EDIL3: variants seen among roughly 807,000 people sequenced by gnomAD.
EDIL3 encodes the protein EGF like and discoidin domains 3, also known as EGF-like repeat and discoidin I-like domain-containing protein 3.
Under a neutral mutation model 67.4 loss-of-function variants are expected in EDIL3, and 37 were observed. The ratio of observed to expected loss-of-function variants is 0.55; its 90% CI spans 0.42 to 0.72. The LOEUF (loss-of-function observed/expected upper bound fraction) is 0.72. Among genes scored for constraint, EDIL3 ranks in the 30% least tolerant of loss-of-function variants. EDIL3 has a pLI of 0.00. For synonymous variants in EDIL3, 195 were observed against 196.3 expected, an observed-to-expected ratio of 0.99 and a Z score of 0.05; for missense variants, 527 against 586.3, an observed-to-expected ratio of 0.90 and a Z score of 1.04.
intron 9 of EDIL3, among the ~76,000 whole-genome samples, chr5:84,023,721 T>C (rs909179449): frequency 1.3e-5 from 2 of 152,106 alleles, no homozygotes; most frequent in East Asian, 1.9e-4. Context: ...AAGAAACAAC[T>C]GGGTATCAAG....
At position 84,272,215 on chromosome 5, in the gene EDIL3, G is replaced by A. The variant is rs114819552; in HGVS notation, c.68-18003C>T. The stretch of plus-strand genomic sequence containing the variant: ...TTTTCTATAAGGGCTTAAAAATCCA[G>A]AAACTGATGAGATCAATTGAAATTT... On this transcript the variant is annotated intron_variant, in intron 1 of 10. Coordinates refer to ENST00000296591, the MANE Select transcript of EDIL3 (RefSeq NM_005711.5). 6.3e-3 allele frequency among the ~76,000 whole-genome samples: 965 copies of A among 152,038 alleles called. 10 individuals are homozygous for A. The highest frequency in any genetic ancestry group is 0.021 in the African/African-American group (890 of 41,528).
chr5:84,114,700 TA>T (rs1747633536), intron 5 of EDIL3, among the ~76,000 whole-genome samples: 1 of 152,206 alleles, frequency 6.6e-6, no homozygotes, highest in Non-Finnish European at 1.5e-5. Context: ...ATTGCACGTG[TA>T]CCTTAAAGAA....
chr5:84,072,315 A>C (rs1163858914), intron 6 of EDIL3, among the ~76,000 whole-genome samples: 1 of 152,116 alleles, frequency 6.6e-6, no homozygotes, highest in Non-Finnish European at 1.5e-5. Flanking sequence ...AAAGGATTTG[A>C]TTAGTAGCCA....
intron 4 of EDIL3, among the ~76,000 whole-genome samples, chr5:84,167,353 T>G (rs916133036): frequency 2.2e-4 from 33 of 151,996 alleles, no homozygotes; most frequent in African/African-American, 8.0e-4. Flanking sequence ...GCCCCTTCCT[T>G]TCCTCAGACT....
intron 9 of EDIL3, among the ~76,000 whole-genome samples, chr5:83,987,869 G>A (rs6868753): frequency 5.1e-5 from 7 of 138,416 alleles, no homozygotes; most frequent in African/African-American, 1.5e-4. Flanking sequence ...GTGTGTGTAT[G>A]TATATATATA....
In EDIL3 at chr5:84,384,602, G is replaced by A. The variant is rs1032187422; in HGVS notation, c.-228C>T. 1 of 369,970 alleles carries A rather than the reference G, an allele frequency of 2.7e-6. No homozygotes were observed. The highest frequency in any genetic ancestry group is 2.1e-5 in the African/African-American group (1 of 47,328). 22.9% of individuals were successfully genotyped at this position (369,970 alleles called of 1,614,324 possible). ...TGCCTGCGCTCCGGCGCGCGGAGGT[G>A]GGTGAGCTCCGGGGAGCCGCCGGCG... On this transcript the variant is annotated 5_prime_UTR_variant, in exon 1 of 11. Coordinates refer to ENST00000296591, the MANE Select transcript of EDIL3 (RefSeq NM_005711.5).
intron 10 of EDIL3, among the ~76,000 whole-genome samples, chr5:83,945,304 T>C (rs943037283): frequency 8.6e-5 from 13 of 151,984 alleles, no homozygotes; most frequent in African/African-American, 2.7e-4. Flanking sequence ...TGAGAGACTG[T>C]TGCTACTGCA....
chr5:83,948,595 A>C lies in EDIL3; in HGVS notation c.1294-5027T>G, dbSNP rs539888470. ...CTATATGCAAGCATTCCAAAAATCA[A>C]ATTTTTTTTATTAAAAAGGAAAAAA... is the stretch of plus-strand genomic sequence containing the variant. On this transcript the variant is annotated intron_variant, in intron 10 of 10. Transcript: ENST00000296591. 3.3e-5 allele frequency among the ~76,000 whole-genome samples: 5 copies of C among 151,770 alleles called. No homozygotes were observed. The South Asian group carries it at 1.0e-3, about 31-fold the overall frequency.
At chr5:83,945,517 G>A (rs954176206) in intron 10 of EDIL3, among the ~76,000 whole-genome samples, 4 of 151,880 alleles carry the variant, frequency 2.6e-5, no homozygotes, top group Admixed American at 6.6e-5. Context: ...ATAACAGCCC[G>A]AAATATAGTT....
At chr5:84,203,788 T>A (rs974938100) in intron 3 of EDIL3, among the ~76,000 whole-genome samples, 3 of 151,752 alleles carry the variant, frequency 2.0e-5, no homozygotes, top group African/African-American at 7.2e-5. Context: ...AACATTCCTC[T>A]AAGGAAAAAT....
At chr5:84,249,770 T>A (rs2112070857) in intron 2 of EDIL3, among the ~76,000 whole-genome samples, 1 of 152,270 alleles carries the variant, frequency 6.6e-6, no homozygotes, top group East Asian at 1.9e-4. Context: ...AATTTAAAAA[T>A]TCTCAAGATT....
chr5:84,367,421 A>C (rs1747761431), intron 1 of EDIL3, among the ~76,000 whole-genome samples: 2 of 152,190 alleles, frequency 1.3e-5, no homozygotes, highest in Admixed American at 1.3e-4. Context: ...GTGAGAAAAC[A>C]TATTTGCAAT....
At chr5:84,069,290 T>A (rs953724649) in intron 6 of EDIL3, among the ~76,000 whole-genome samples, 4 of 152,134 alleles carry the variant, frequency 2.6e-5, no homozygotes, top group Non-Finnish European at 5.9e-5. Context: ...ATAAATAGAA[T>A]GATAATCTGA....
chr5:83,966,836 A>G (rs1412132499), intron 9 of EDIL3, among the ~76,000 whole-genome samples: 1 of 152,118 alleles, frequency 6.6e-6, no homozygotes, highest in Non-Finnish European at 1.5e-5. Flanking sequence ...TATATGTTTC[A>G]GAATATCTTG....
intron 5 of EDIL3, among the ~76,000 whole-genome samples, chr5:84,107,146 G>C (rs1747480145): frequency 6.6e-6 from 1 of 151,898 alleles, no homozygotes; most frequent in Non-Finnish European, 1.5e-5. Context: ...CTCTTAAAAG[G>C]CTTATCTCAT....
chr5:84,369,375 A>G (rs1308173127), intron 1 of EDIL3, among the ~76,000 whole-genome samples: 1 of 152,082 alleles, frequency 6.6e-6, no homozygotes, highest in Non-Finnish European at 1.5e-5. Context: ...ATACATACAT[A>G]TATAAACAAA....
At chr5:83,982,177 T>C (rs1304740967) in intron 9 of EDIL3, among the ~76,000 whole-genome samples, 1 of 152,164 alleles carries the variant, frequency 6.6e-6, no homozygotes, top group Non-Finnish European at 1.5e-5. Context: ...TAAAAAATAT[T>C]TATTGGCTTC....
intron 6 of EDIL3, among the ~76,000 whole-genome samples, chr5:84,095,839 T>C (rs1357793769): frequency 6.6e-6 from 1 of 152,180 alleles, no homozygotes; most frequent in African/African-American, 2.4e-5. Flanking sequence ...CTCCACAGCA[T>C]GTTAGAGGTC....
At chr5:84,002,133 A>G (rs1745341667) in intron 9 of EDIL3, among the ~76,000 whole-genome samples, 1 of 152,180 alleles carries the variant, frequency 6.6e-6, no homozygotes. Context: ...AACATACACA[A>G]ATCAAACAAT....
Sources: gnomAD v4.1 joint callset for allele counts (sites outside exome capture counted in the v4.1 genomes callset) on GRCh38, gnomAD v4.1.1 for gene constraint, MANE v1.5 for transcripts, NCBI Gene and HGNC (gene_info 2026-07-23, HGNC 2026-07-21) for gene names.